ANO4: variants seen among roughly 807,000 people sequenced by gnomAD.
The protein encoded by ANO4 is anoctamin 4, also known as anoctamin-4.
A neutral mutation model predicts 141.9 loss-of-function variants in ANO4; 69 were observed. The observed-to-expected ratio is 0.49, with a 90% CI of 0.40 to 0.59. ANO4 has a LOEUF of 0.59. Among genes scored for constraint, ANO4 ranks in the 20% least tolerant of loss-of-function variants. The pLI is 0.00. For synonymous variants in ANO4, 350 were observed against 394.3 expected (o/e 0.89, Z 1.33); for missense variants, 894 against 1,162.2 (o/e 0.77, Z 3.36).
chr12:100,846,949 C>T (rs2037598196), intron 1 of ANO4, among the ~76,000 whole-genome samples: 1 of 152,030 alleles, frequency 6.6e-6, no homozygotes, highest in South Asian at 2.1e-4. Flanking sequence ...TTCCACACCC[C>T]CCCCCAACTT....
At chr12:100,965,984 T>C (rs190305321) in intron 5 of ANO4, among the ~76,000 whole-genome samples, 2 of 152,188 alleles carry the variant, frequency 1.3e-5, no homozygotes, top group African/African-American at 2.4e-5. Context: ...TTAATGAACA[T>C]TTTTGGGTGT....
intron 8 of ANO4, among the ~76,000 whole-genome samples, chr12:101,003,749 T>C (rs1346845550): frequency 6.6e-6 from 1 of 152,144 alleles, no homozygotes; most frequent in Non-Finnish European, 1.5e-5. Flanking sequence ...CAATCATGTA[T>C]TGTATATTTC....
intron 3 of ANO4, among the ~76,000 whole-genome samples, chr12:100,787,805 G>A (rs2033920854): frequency 6.6e-6 from 1 of 152,136 alleles, no homozygotes; most frequent in Admixed American, 6.5e-5. Context: ...TTTTCTTTGG[G>A]CCACAGAGTA....
intron 8 of ANO4, among the ~76,000 whole-genome samples, chr12:100,992,691 T>C (rs2673665): frequency 0.15 from 22,256 of 152,184 alleles, 1,972 homozygotes; most frequent in East Asian, 0.25. Flanking sequence ...TGGTATACTC[T>C]GTGGAGCCAT....
In ANO4 at chr12:100,797,488, G is replaced by A. The variant is rs1239336424; in HGVS notation, c.-141+2461G>A. 2.6e-5 allele frequency among the ~76,000 whole-genome samples: 4 copies of A among 152,266 alleles called. No individual in the cohort carries two copies. In the East Asian group the frequency reaches 5.8e-4, roughly 22 times the overall value. ...ATAAAAGCTGTGCTGAGCGGAGCCT[G>A]TAGCCTCTTGGTGTGATGAAGTCAC... On this transcript the variant is annotated intron_variant, in intron 1 of 27. Transcript: ENST00000392977.
At chr12:100,784,266 C>T (rs1012429518) in intron 3 of ANO4, among the ~76,000 whole-genome samples, 1 of 152,100 alleles carries the variant, frequency 6.6e-6, no homozygotes, top group East Asian at 1.9e-4. Context: ...TGCCAGAATC[C>T]TCCTACTCTT....
At chr12:101,073,683 C>T (rs113571343) in intron 14 of ANO4, among the ~76,000 whole-genome samples, 1,660 of 151,968 alleles carry the variant, frequency 0.011, 25 homozygotes, top group Non-Finnish European at 0.017. Context: ...CCCTTCTCAA[C>T]GGTCTGTGAT....
At chr12:100,902,316 G>A (rs183369047) in intron 2 of ANO4, among the ~76,000 whole-genome samples, 1 of 152,190 alleles carries the variant, frequency 6.6e-6, no homozygotes, top group African/African-American at 2.4e-5. Context: ...TAAGTCTTCT[G>A]GGAAGCATCT....
intron 8 of ANO4, 25 bp downstream of exon 8, chr12:100,987,695 A>G (rs760392798): frequency 6.2e-7 from 1 of 1,612,226 alleles, no homozygotes; most frequent in Non-Finnish European, 8.5e-7. Context: ...TTAAAGCCCC[A>G]TCTCACTAAG....
chr12:100,770,001 TAG>T (rs1368102486), intron 3 of ANO4, among the ~76,000 whole-genome samples: 4 of 152,236 alleles, frequency 2.6e-5, no homozygotes, highest in African/African-American at 4.8e-5. Context: ...TAATTCAGCA[TAG>T]AGATTGTTCA....
intron 24 of ANO4, among the ~76,000 whole-genome samples, chr12:101,114,920 T>C (rs2050794956): frequency 6.6e-6 from 1 of 152,214 alleles, no homozygotes; most frequent in Non-Finnish European, 1.5e-5. Context: ...CACGAGTGAC[T>C]TGACAAATGG....
At chr12:101,005,042 A>G (rs1408643861) in intron 8 of ANO4, among the ~76,000 whole-genome samples, 1 of 152,242 alleles carries the variant, frequency 6.6e-6, no homozygotes, top group Non-Finnish European at 1.5e-5. Flanking sequence ...CATTTGGTCA[A>G]CATTCAGAAC....
intron 2 of ANO4, 79 bp from the exon 3 acceptor site, chr12:100,922,147 C>A: frequency 1.0e-6 from 1 of 993,112 alleles, no homozygotes; most frequent in Non-Finnish European, 1.4e-6. Context: ...TGGATTTTGA[C>A]ATAGCTTCTC....
intron 1 of ANO4, among the ~76,000 whole-genome samples, chr12:100,728,128 C>T (rs989037432): frequency 6.6e-6 from 1 of 152,064 alleles, no homozygotes; most frequent in Non-Finnish European, 1.5e-5. Flanking sequence ...CACATATTTA[C>T]AAGAATTCCA....
rs899985327 is a variant in ANO4, at chr12:100,909,233, C to T, written c.55+7393C>T. 5.5e-4 allele frequency among the ~76,000 whole-genome samples: 83 copies of T among 152,070 alleles called. 1 individual carries two copies. Among genetic ancestry groups the T allele is most frequent in the Non-Finnish European group, 2.2e-4 (15 of 68,006 alleles). On this transcript the variant is annotated intron_variant, in intron 2 of 27. Transcript: ENST00000392977. Reference sequence around the variant, plus strand: ...ACTATCTGGAATGATTGAATTCTTACCGGTTTTTCTAGTTTTGCATCATTT... The same window carrying T: ...ACTATCTGGAATGATTGAATTCTTATCGGTTTTTCTAGTTTTGCATCATTT...
chr12:100,749,173 T>C (rs1023163366), intron 3 of ANO4, among the ~76,000 whole-genome samples: 1 of 152,146 alleles, frequency 6.6e-6, no homozygotes, highest in Non-Finnish European at 1.5e-5. Flanking sequence ...CTCCTTCACA[T>C]TGAAGTTGAG....
At chr12:100,740,359 C>T (rs147177764) in intron 3 of ANO4, among the ~76,000 whole-genome samples, 40 of 152,094 alleles carry the variant, frequency 2.6e-4, no homozygotes, top group African/African-American at 3.9e-4. Flanking sequence ...ACTACAGGCA[C>T]GCACACCACC....
chr12:100,768,941 T>TA (rs2033191483), intron 3 of ANO4, among the ~76,000 whole-genome samples: 1 of 152,188 alleles, frequency 6.6e-6, no homozygotes, highest in Non-Finnish European at 1.5e-5. Context: ...TAGCAGATAT[T>TA]AAAAATGTCA....
At chr12:101,019,564 C>T (rs1276696674) in intron 8 of ANO4, among the ~76,000 whole-genome samples, 1 of 152,144 alleles carries the variant, frequency 6.6e-6, no homozygotes, top group Admixed American at 6.5e-5. Context: ...CTCACCTCAC[C>T]TGTGAGCCAG....
Sources: gnomAD v4.1 joint callset for allele counts (sites outside exome capture counted in the v4.1 genomes callset) on GRCh38, gnomAD v4.1.1 for gene constraint, MANE v1.5 for transcripts, NCBI Gene and HGNC (gene_info 2026-07-23, HGNC 2026-07-21) for gene names.